Variants in TRADD observed in about 807,000 individuals in gnomAD.
The protein encoded by TRADD is tumor necrosis factor receptor type 1-associated DEATH domain protein.
In TRADD, 14 loss-of-function variants were observed where a neutral mutation model predicts 31.5. That is an observed-to-expected ratio of 0.44 (90% confidence interval 0.29 to 0.69). TRADD has a LOEUF of 0.69. Among genes scored for constraint, TRADD ranks in the 30% least tolerant of loss-of-function variants. The pLI, the probability that TRADD is intolerant of heterozygous loss-of-function variation, is 0.11. For synonymous variants in TRADD, 220 were observed against 215.8 expected, an observed-to-expected ratio of 1.02 and a Z score of -0.17; for missense variants, 388 against 435.7, an observed-to-expected ratio of 0.89 and a Z score of 0.97.
rs1019827480 is a variant in TRADD at position 67,155,780 on chromosome 16, C to A, written c.152-126G>T. On this transcript the variant is annotated intron_variant, in intron 2 of 4. Coordinates refer to ENST00000345057, the MANE Select transcript of TRADD (RefSeq NM_003789.4). ...TCCCCTGACCTAGGGTGCAGTTACC[C>A]CAGAGTACCCAGCTGGGAAGCAAAA... 8 of 1,464,642 alleles carry A rather than the reference C, an allele frequency of 5.5e-6. No homozygotes were observed. The African/African-American group carries it at 9.9e-5, about 18-fold the overall frequency. 90.7% of individuals were successfully genotyped at this position (1,464,642 alleles called of 1,614,324 possible). A position where few individuals can be genotyped will look rare whatever the true frequency, so the allele number is the denominator to read the frequency against.
At position 67,155,311 on chromosome 16, in the gene TRADD, T is replaced by G. The variant is rs1253281916; in HGVS notation, c.430-17A>C. 1 of 1,609,968 alleles carries G rather than the reference T, an allele frequency of 6.2e-7. No individual in the cohort carries two copies. The highest frequency in any genetic ancestry group is 8.5e-7 in the Non-Finnish European group (1 of 1,179,642). ...CCGGTCGGGCTAGGGGAATGGAACG[T>G]GCCGTCACGGGGGACTTAACCGCGG... is the stretch of plus-strand genomic sequence containing the variant. On this transcript the variant is annotated splice_polypyrimidine_tract_variant and intron_variant, in intron 3 of 4. Coordinates refer to ENST00000345057, the MANE Select transcript of TRADD (RefSeq NM_003789.4).
rs1399865876 is a variant in TRADD at position 67,155,891 on chromosome 16, C to T, written c.152-237G>A. ...AAGACAGAGTGGGTGCCACCTAACC[C>T]CCGCTCTCACGCCCCAAATGAGGGT... On this transcript the variant is annotated intron_variant, in intron 2 of 4. Coordinates refer to ENST00000345057, the MANE Select transcript of TRADD (RefSeq NM_003789.4). 3 of 1,522,276 alleles carry T rather than the reference C, an allele frequency of 2.0e-6. No homozygotes were observed. The Admixed American group carries it at 5.9e-5, about 30-fold the overall frequency. The allele number at this position is 1,522,276 out of a possible 1,614,324, so 94.3% of individuals were successfully genotyped here.
In TRADD at chr16:67,156,289, A is replaced by G; in HGVS notation, c.151+221T>C. On this transcript the variant is annotated intron_variant, in intron 2 of 4. Transcript: ENST00000345057. This position sits in a 1 kb window ranked among gnomAD's most constrained non-coding sequence, Gnocchi z 4.6. The stretch of plus-strand genomic sequence containing the variant: ...GTGGAGGGGGGCGGGGATGGAGCAA[A>G]GGACGTTAGTGCACAAATTGGTAAA... 8.7e-7 allele frequency: 1 copy of G among 1,154,614 alleles called. No homozygotes were observed. Among genetic ancestry groups the G allele is most frequent in the Non-Finnish European group, 1.2e-6 (1 of 821,452 alleles). 71.5% of individuals were successfully genotyped at this position (1,154,614 alleles called of 1,614,324 possible). A position where few individuals can be genotyped will look rare whatever the true frequency, so the allele number is the denominator to read the frequency against.
In TRADD at chr16:67,154,636, C is replaced by T; in HGVS notation, c.*13G>A. On this transcript the variant is annotated 3_prime_UTR_variant, in exon 5 of 5. Coordinates refer to ENST00000345057, the MANE Select transcript of TRADD (RefSeq NM_003789.4). This position sits in a 1 kb window ranked among gnomAD's most constrained non-coding sequence, Gnocchi z 5.2. The stretch of plus-strand genomic sequence containing the variant: ...GCCATCCAGGTTCTCCAAAAGCTGG[C>T]TGCACCCCTGGTCTAGGCCAGGCCG... 6.2e-7 allele frequency: 1 copy of T among 1,610,966 alleles called. No homozygotes were observed.
rs2030703661 is a variant in TRADD, at chr16:67,156,523, C to T, written c.138G>A (p.Gln46=). 6.2e-7 allele frequency: 1 copy of T among 1,613,000 alleles called. No individual in the cohort carries two copies. The highest frequency in any genetic ancestry group is 1.7e-5 in the Admixed American group (1 of 60,004). Residue 46 remains glutamine, a synonymous_variant, in exon 2 of 5, where the codon CAG becomes CAA. Transcript: ENST00000345057. The surrounding 1 kb of genome is among the most constrained non-coding windows in gnomAD (Gnocchi z 4.6). ...CCATCCACGCACCTGCCAAGGCAGCCTGCAGAGCCCTGTACACTGCCACCT... is the reference window on the plus strand; with the variant it reads ...CCATCCACGCACCTGCCAAGGCAGCTTGCAGAGCCCTGTACACTGCCACCT... The part of the protein sequence containing the change: ...QQKVAVYRAL[Q]AALAESGGSP...
chr16:67,154,642 C>T lies in TRADD; in HGVS notation c.*7G>A. ...CAGGTTCTCCAAAAGCTGGCTGCAC[C>T]CCTGGTCTAGGCCAGGCCGCCATTG... On this transcript the variant is annotated 3_prime_UTR_variant, in exon 5 of 5. Transcript: ENST00000345057. The surrounding 1 kb of genome is among the most constrained non-coding windows in gnomAD (Gnocchi z 5.2). 1 of 1,611,706 alleles carries T rather than the reference C, an allele frequency of 6.2e-7. No homozygotes were observed. The highest frequency in any genetic ancestry group is 8.5e-7 in the Non-Finnish European group (1 of 1,179,646).
In TRADD at chr16:67,156,314, A is replaced by G; in HGVS notation, c.151+196T>C. On this transcript the variant is annotated intron_variant, in intron 2 of 4. Coordinates refer to ENST00000345057, the MANE Select transcript of TRADD (RefSeq NM_003789.4). The surrounding 1 kb of genome is among the most constrained non-coding windows in gnomAD (Gnocchi z 4.6). ...AGGACGTTAGTGCACAAATTGGTAA[A>G]TCATACACAGACTCGAGAACACACG... 1 of 1,149,508 alleles carries G rather than the reference A, an allele frequency of 8.7e-7. No homozygotes were observed. The highest frequency in any genetic ancestry group is 2.6e-5 in the East Asian group (1 of 38,886). 71.2% of individuals were successfully genotyped at this position (1,149,508 alleles called of 1,614,324 possible). A position where few individuals can be genotyped will look rare whatever the true frequency, so the allele number is the denominator to read the frequency against.
At position 67,155,296 on chromosome 16, in the gene TRADD, T is replaced by A; in HGVS notation, c.430-2A>T. 6.2e-7 allele frequency: 1 copy of A among 1,610,602 alleles called. No individual in the cohort carries two copies. The highest frequency in any genetic ancestry group is 8.5e-7 in the Non-Finnish European group (1 of 1,179,576). On this transcript the variant is annotated splice_acceptor_variant, in intron 3 of 4. Coordinates refer to ENST00000345057, the MANE Select transcript of TRADD (RefSeq NM_003789.4). LOFTEE classifies it high-confidence loss of function. ...TTCTTCATCCCGGAGCCGGTCGGGC[T>A]AGGGGAATGGAACGTGCCGTCACGG...
Position 67,156,386 on chromosome 16 carries a change from C to CA in TRADD, c.151+123_151+124insT. 4.8e-6 allele frequency: 7 copies of CA among 1,444,034 alleles called. No homozygotes were observed. Among genetic ancestry groups the CA allele is most frequent in the Non-Finnish European group, 6.6e-6 (7 of 1,053,928 alleles). The allele number at this position is 1,444,034 out of a possible 1,614,324, so 89.5% of individuals were successfully genotyped here. A position where few individuals can be genotyped will look rare whatever the true frequency, so the allele number is the denominator to read the frequency against. ...CAAGCAAAGAAGAGAGTCTGCACAGCCAGGGGTCCTCCGTCTTGCTCCTCC... is the reference window on the plus strand; with the variant it reads ...CAAGCAAAGAAGAGAGTCTGCACAGCACAGGGGTCCTCCGTCTTGCTCCTCC... On this transcript the variant is annotated intron_variant, in intron 2 of 4. Transcript: ENST00000345057. This position sits in a 1 kb window ranked among gnomAD's most constrained non-coding sequence, Gnocchi z 4.6.
chr16:67,154,883 G>C lies in TRADD; in HGVS notation c.705C>G (p.Arg235=). 1 of 1,601,922 alleles carries C rather than the reference G, an allele frequency of 6.2e-7. No homozygotes were observed. Among genetic ancestry groups the C allele is most frequent in the Non-Finnish European group, 8.5e-7 (1 of 1,175,068 alleles). Residue 235 remains arginine (R), a synonymous_variant, in exon 5 of 5, where the codon CGC becomes CGG. Coordinates refer to ENST00000345057, the MANE Select transcript of TRADD (RefSeq NM_003789.4). The surrounding 1 kb of genome is among the most constrained non-coding windows in gnomAD (Gnocchi z 5.2). The part of the protein sequence containing the change: ...SVGLKWRKVG[R]SLQRGCRALR... ...GCGCCCGGCAGCCTCGCTGCAGTGA[G>C]CGCCCCACCTTGCGCCATTTGAGAC...
In TRADD at chr16:67,156,124, C is replaced by T. The variant is rs13312733; in HGVS notation, c.151+386G>A. 0.011 allele frequency: 14,488 copies of T among 1,353,744 alleles called. 96 individuals are homozygous for T. The highest frequency in any genetic ancestry group is 0.013 in the Non-Finnish European group (13,225 of 1,031,710). The allele number at this position is 1,353,744 out of a possible 1,614,324, so 83.9% of individuals were successfully genotyped here. A position where few individuals can be genotyped will look rare whatever the true frequency, so the allele number is the denominator to read the frequency against. Reference sequence around the variant, plus strand: ...AGATCCCCCAACCCGCTTCAGCCTCCTGTGGCCTCTGCCCTGAGATGGGAA... The same window carrying T: ...AGATCCCCCAACCCGCTTCAGCCTCTTGTGGCCTCTGCCCTGAGATGGGAA... On this transcript the variant is annotated intron_variant, in intron 2 of 4. Coordinates refer to ENST00000345057, the MANE Select transcript of TRADD (RefSeq NM_003789.4). The surrounding 1 kb of genome is among the most constrained non-coding windows in gnomAD (Gnocchi z 4.6).
rs1485962068 is a variant in TRADD at position 67,155,180 on chromosome 16, G to A, written c.544C>T (p.Pro182Ser). Residue 182 changes from proline to serine, a missense_variant, in exon 4 of 5, where the codon CCC becomes TCC. Coordinates refer to ENST00000345057, the MANE Select transcript of TRADD (RefSeq NM_003789.4). ...ACCTCCGACAGAGAGGGCACCGGGG[G>A]CTGCAAGGGGGCCGAAGCGACCTCC... The part of the protein sequence containing the change: ...DGEVASAPLQ[P>S]PVPSLSEVKP... 3 of 1,566,204 alleles carry A rather than the reference G, an allele frequency of 1.9e-6. No homozygotes were observed. The highest frequency in any genetic ancestry group is 8.6e-7 in the Non-Finnish European group (1 of 1,158,506).
chr16:67,157,790 A>G (rs1405949884), intron 1 of TRADD, among the ~76,000 whole-genome samples: 1 of 152,186 alleles, frequency 6.6e-6, no homozygotes, highest in Non-Finnish European at 1.5e-5. Context: ...GCTCTGGACC[A>G]GCGGGGGCAA....
chr16:67,154,504 G>A lies in TRADD; in HGVS notation c.*145C>T, dbSNP rs2030577853. On this transcript the variant is annotated 3_prime_UTR_variant, in exon 5 of 5. Coordinates refer to ENST00000345057, the MANE Select transcript of TRADD (RefSeq NM_003789.4). This position sits in a 1 kb window ranked among gnomAD's most constrained non-coding sequence, Gnocchi z 5.2. Reference sequence around the variant, plus strand: ...CACCCCCAGTGGTCTGGCTCCTGGGGAAGGCAATCAACTCTGCCCCAGCAG... The same window carrying A: ...CACCCCCAGTGGTCTGGCTCCTGGGAAAGGCAATCAACTCTGCCCCAGCAG... The A allele has an allele frequency of 1.0e-6, 1 of 1,001,278 alleles. No homozygotes were observed. The highest frequency in any genetic ancestry group is 1.5e-5 in the South Asian group (1 of 67,438). The allele number at this position is 1,001,278 out of a possible 1,614,324, so 62.0% of individuals were successfully genotyped here. A position where few individuals can be genotyped will look rare whatever the true frequency, so the allele number is the denominator to read the frequency against.
rs1360269051 is a variant in TRADD at position 67,159,067 on chromosome 16, C to T, written c.-9+771G>A. 6.6e-6 allele frequency among the ~76,000 whole-genome samples: 1 copy of T among 152,176 alleles called. No individual in the cohort carries two copies. The highest frequency in any genetic ancestry group is 1.5e-5 in the Non-Finnish European group (1 of 68,030). On this transcript the variant is annotated intron_variant, in intron 1 of 4. Coordinates refer to ENST00000345057, the MANE Select transcript of TRADD (RefSeq NM_003789.4). The surrounding 1 kb of genome is among the most constrained non-coding windows in gnomAD (Gnocchi z 6.8). ...GGGGAAGGTGAACCAGGCTGGAGGT[C>T]GAGTTAACAGGGTAAAGAGGCCAGG...
At position 67,156,613 on chromosome 16, in the gene TRADD, G is replaced by C; in HGVS notation, c.48C>G (p.Tyr16Ter). 2 of 1,614,058 alleles carry C rather than the reference G, an allele frequency of 1.2e-6. No individual in the cohort carries two copies. Among genetic ancestry groups the C allele is most frequent in the South Asian group, 1.1e-5 (1 of 91,082 alleles). Residue 16 changes from tyrosine to a stop codon, truncating the protein, a stop_gained, in exon 2 of 5, where the codon TAC becomes TAG. Coordinates refer to ENST00000345057, the MANE Select transcript of TRADD (RefSeq NM_003789.4). LOFTEE classifies it high-confidence loss of function. The surrounding 1 kb of genome is among the most constrained non-coding windows in gnomAD (Gnocchi z 4.6). ...NGHEEWVGSAYLFVESSLDKV... is the reference protein window; with the variant it reads ...NGHEEWVGSA Reference sequence around the variant, plus strand: ...TGTCCAGCGAGGACTCCACAAACAGGTATGCGCTGCCCACCCACTCTTCGT... The same window carrying C: ...TGTCCAGCGAGGACTCCACAAACAGCTATGCGCTGCCCACCCACTCTTCGT...
In TRADD at chr16:67,156,297, A is replaced by G; in HGVS notation, c.151+213T>C. On this transcript the variant is annotated intron_variant, in intron 2 of 4. Coordinates refer to ENST00000345057, the MANE Select transcript of TRADD (RefSeq NM_003789.4). The surrounding 1 kb of genome is among the most constrained non-coding windows in gnomAD (Gnocchi z 4.6). Reference sequence around the variant, plus strand: ...GGGCGGGGATGGAGCAAAGGACGTTAGTGCACAAATTGGTAAATCATACAC... The same window carrying G: ...GGGCGGGGATGGAGCAAAGGACGTTGGTGCACAAATTGGTAAATCATACAC... 1.8e-6 allele frequency: 2 copies of G among 1,115,054 alleles called. No homozygotes were observed. Among genetic ancestry groups the G allele is most frequent in the African/African-American group, 1.6e-5 (1 of 64,472 alleles). 69.1% of individuals were successfully genotyped at this position (1,115,054 alleles called of 1,614,324 possible). A position where few individuals can be genotyped will look rare whatever the true frequency, so the allele number is the denominator to read the frequency against.
rs960062452 is a variant in TRADD, at chr16:67,156,270, G to C, written c.151+240C>G. 7.9e-7 allele frequency: 1 copy of C among 1,269,112 alleles called. No homozygotes were observed. Among genetic ancestry groups the C allele is most frequent in the Non-Finnish European group, 1.1e-6 (1 of 925,072 alleles). 78.6% of individuals were successfully genotyped at this position (1,269,112 alleles called of 1,614,324 possible). The stretch of plus-strand genomic sequence containing the variant: ...GAAAGGAGTGAGCCGGCTGGTGGAG[G>C]GGGGCGGGGATGGAGCAAAGGACGT... On this transcript the variant is annotated intron_variant, in intron 2 of 4. Coordinates refer to ENST00000345057, the MANE Select transcript of TRADD (RefSeq NM_003789.4). This position sits in a 1 kb window ranked among gnomAD's most constrained non-coding sequence, Gnocchi z 4.6.
chr16:67,157,792 C>T (rs919475823), intron 1 of TRADD, among the ~76,000 whole-genome samples: 4 of 152,150 alleles, frequency 2.6e-5, no homozygotes, highest in South Asian at 2.1e-4. Flanking sequence ...TCTGGACCAG[C>T]GGGGGCAAAA....
Sources: allele counts gnomAD v4.1 joint callset (sites outside exome capture counted in the v4.1 genomes callset), GRCh38; gene constraint gnomAD v4.1.1; non-coding constraint Gnocchi (gnomAD v3.1); transcripts MANE v1.5; gene names NCBI Gene and HGNC (gene_info 2026-07-23, HGNC 2026-07-21).